Variants in EIF4G3 observed in about 807,000 individuals in gnomAD.
EIF4G3 encodes eIF-4-gamma 3.
Under a neutral mutation model 186.4 loss-of-function variants are expected in EIF4G3, and 34 were observed. That is an observed-to-expected ratio of 0.18 (90% confidence interval 0.14 to 0.24). The LOEUF (loss-of-function observed/expected upper bound fraction) is 0.24, where lower values mean the gene tolerates loss of function less well. EIF4G3 is among the 10% of genes least tolerant of loss of function. The pLI, the probability that EIF4G3 is intolerant of heterozygous loss-of-function variation, is 1.00. For synonymous variants in EIF4G3, 673 were observed against 679.5 expected, an observed-to-expected ratio of 0.99 and a Z score of 0.15; for missense variants, 1,536 against 1,948.5, an observed-to-expected ratio of 0.79 and a Z score of 3.99.
chr1:20,982,383 G>A lies in EIF4G3; in HGVS notation c.198+5C>T. 1 of 1,524,198 alleles carries A rather than the reference G, an allele frequency of 6.6e-7. No individual in the cohort carries two copies. Among genetic ancestry groups the A allele is most frequent in the Non-Finnish European group, 8.8e-7 (1 of 1,142,592 alleles). The allele number at this position is 1,524,198 out of a possible 1,614,324, so 94.4% of individuals were successfully genotyped here. A position where few individuals can be genotyped will look rare whatever the true frequency, so the allele number is the denominator to read the frequency against. On this transcript the variant is annotated splice_donor_5th_base_variant and intron_variant, in intron 8 of 36. Transcript: ENST00000602326. ...AGAGGCCATGCAGAACCAGTAGTTT[G>A]TTACCTGGATAGGTCTGAATCCTCC...
chr1:20,889,615 C>A (rs541822032), intron 18 of EIF4G3, among the ~76,000 whole-genome samples: 1 of 152,072 alleles, frequency 6.6e-6, no homozygotes, highest in Non-Finnish European at 1.5e-5. Context: ...CTCAGCCTCC[C>A]GAGTAGCTGG....
rs74654140 is a variant in EIF4G3 at position 20,849,549 on chromosome 1, A to C, written c.3773-19T>G. The stretch of plus-strand genomic sequence containing the variant: ...GGTTTTGCTATTAGTGAGGCCCCCC[A>C]AAAAAAGTAAAAATAATAAAAATTA... On this transcript the variant is annotated intron_variant, in intron 28 of 36. Coordinates refer to ENST00000602326, the MANE Select transcript of EIF4G3 (RefSeq NM_001391906.1). 0.031 allele frequency: 37,553 copies of C among 1,199,590 alleles called. 1,212 individuals carry two copies. The highest frequency in any genetic ancestry group is 0.14 in the East Asian group (5,694 of 39,426). 74.3% of individuals were successfully genotyped at this position (1,199,590 alleles called of 1,614,324 possible).
intron 2 of EIF4G3, among the ~76,000 whole-genome samples, chr1:21,157,722 A>T (rs1283159899): frequency 6.6e-6 from 1 of 152,198 alleles, no homozygotes; most frequent in Non-Finnish European, 1.5e-5. Flanking sequence ...TATTGACTAA[A>T]TAATTATTGT....
At chr1:21,031,590 G>C (rs1434444761) in intron 4 of EIF4G3, among the ~76,000 whole-genome samples, 1 of 152,100 alleles carries the variant, frequency 6.6e-6, no homozygotes, top group Admixed American at 6.5e-5. Context: ...ACAGAGTAAG[G>C]AGATGGAGGA....
chr1:20,897,654 G>T (rs2088756681), intron 16 of EIF4G3, among the ~76,000 whole-genome samples: 1 of 151,924 alleles, frequency 6.6e-6, no homozygotes, highest in South Asian at 2.1e-4. Context: ...CCCGCTGATG[G>T]GTCTTTGAGA....
intron 20 of EIF4G3, among the ~76,000 whole-genome samples, chr1:20,866,445 AG>A (rs992965048): frequency 2.6e-5 from 4 of 152,218 alleles, no homozygotes; most frequent in African/African-American, 9.6e-5. Flanking sequence ...TCTTAGGAAG[AG>A]GGGAACATTT....
intron 13 of EIF4G3, among the ~76,000 whole-genome samples, chr1:20,943,966 TATTTTTTTTGTG>T (rs1459836704): frequency 2.9e-4 from 5 of 17,154 alleles, no homozygotes; most frequent in African/African-American, 7.3e-4. Flanking sequence ...AACTTGTCTT[TATTTTTTTTGTG>T]TGTGTGTGTG....
intron 3 of EIF4G3, among the ~76,000 whole-genome samples, chr1:21,074,106 A>G (rs543964844): frequency 6.6e-6 from 1 of 152,316 alleles, no homozygotes; most frequent in South Asian, 2.1e-4. Context: ...AATCTTAATA[A>G]TTTTGCCTAA....
chr1:21,061,865 AG>A (rs1308133239), intron 3 of EIF4G3, among the ~76,000 whole-genome samples: 1 of 150,258 alleles, frequency 6.7e-6, no homozygotes, highest in Non-Finnish European at 1.5e-5. Context: ...CTCCTGCCTT[AG>A]CCTCCCAAGT....
rs560803791 is a variant in EIF4G3 at position 21,110,108 on chromosome 1, C to G, written c.-271-20895G>C. 4.6e-5 allele frequency among the ~76,000 whole-genome samples: 7 copies of G among 152,140 alleles called. No individual in the cohort carries two copies. In the East Asian group the frequency reaches 9.7e-4, roughly 21 times the overall value. ...CGGCCAACAAATTGTAAAGTAGAAACTTTAAAGTAAAGTGAAATATAAATG... is the reference window on the plus strand; with the variant it reads ...CGGCCAACAAATTGTAAAGTAGAAAGTTTAAAGTAAAGTGAAATATAAATG... On this transcript the variant is annotated intron_variant, in intron 2 of 36. Transcript: ENST00000602326.
chr1:20,976,784 T>C lies in EIF4G3; in HGVS notation c.493+3550A>G, dbSNP rs192989895. Reference sequence around the variant, plus strand: ...CAGGCGCAGTGGCTCATGCCTGTAATCCTAGCACTTTGGAAGGCCAAGGCA... The same window carrying C: ...CAGGCGCAGTGGCTCATGCCTGTAACCCTAGCACTTTGGAAGGCCAAGGCA... On this transcript the variant is annotated intron_variant, in intron 10 of 36. Transcript: ENST00000602326. 1.1e-4 allele frequency among the ~76,000 whole-genome samples: 17 copies of C among 152,258 alleles called. No homozygotes were observed. The East Asian group carries it at 3.3e-3, about 29-fold the overall frequency.
At chr1:21,095,543 G>C (rs2096343735) in intron 2 of EIF4G3, among the ~76,000 whole-genome samples, 1 of 152,042 alleles carries the variant, frequency 6.6e-6, no homozygotes, top group South Asian at 2.1e-4. Flanking sequence ...AAACTCCTGG[G>C]CTCAAGCAAT....
intron 2 of EIF4G3, among the ~76,000 whole-genome samples, chr1:21,108,902 C>CAAAAAAA: frequency 3.0e-5 from 1 of 33,214 alleles, no homozygotes; most frequent in African/African-American, 1.0e-4. Context: ...GACTCCATCT[C>CAAAAAAA]AAAAAAAAAA....
chr1:21,159,566 G>A (rs747408578), intron 2 of EIF4G3, among the ~76,000 whole-genome samples: 6 of 151,786 alleles, frequency 4.0e-5, no homozygotes, highest in Non-Finnish European at 2.9e-5. Flanking sequence ...GCGAAACCTC[G>A]TCTCTACTAA....
At chr1:20,838,497 C>G (rs1473236170) in intron 30 of EIF4G3, among the ~76,000 whole-genome samples, 6 of 152,118 alleles carry the variant, frequency 3.9e-5, no homozygotes, top group Admixed American at 1.3e-4. Flanking sequence ...TGAGGGTGTA[C>G]ATACCTTTAT....
At chr1:21,018,864 G>C (rs754941608) in intron 4 of EIF4G3, among the ~76,000 whole-genome samples, 2 of 151,834 alleles carry the variant, frequency 1.3e-5, no homozygotes, top group African/African-American at 4.8e-5. Context: ...TCTGAAGCAG[G>C]TGTTGGTCTG....
intron 2 of EIF4G3, among the ~76,000 whole-genome samples, chr1:21,173,781 A>C (rs1172363612): frequency 6.6e-6 from 1 of 152,234 alleles, no homozygotes; most frequent in Non-Finnish European, 1.5e-5. Context: ...TATTCAAGCC[A>C]TGAACAGTGC....
At chr1:21,009,655 T>A (rs1297611220) in intron 4 of EIF4G3, among the ~76,000 whole-genome samples, 2 of 121,504 alleles carry the variant, frequency 1.6e-5, no homozygotes, top group African/African-American at 3.1e-5. Flanking sequence ...TTTTGGGGGG[T>A]GCTGGGGGGG....
chr1:21,112,127 T>C (rs2096737262), intron 2 of EIF4G3, among the ~76,000 whole-genome samples: 1 of 152,198 alleles, frequency 6.6e-6, no homozygotes. Context: ...TTTTTCCCCT[T>C]AAAGAAGAAT....
Sources: gnomAD v4.1 joint callset for allele counts (sites outside exome capture counted in the v4.1 genomes callset) on GRCh38, gnomAD v4.1.1 for gene constraint, MANE v1.5 for transcripts, NCBI Gene and HGNC (gene_info 2026-07-23, HGNC 2026-07-21) for gene names.